ZFYVE28: variants seen among roughly 807,000 people sequenced by gnomAD.
ZFYVE28 encodes the protein zinc finger FYVE-type containing 28.
In ZFYVE28, 40 loss-of-function variants were observed where a neutral mutation model predicts 82.1. The ratio of observed to expected loss-of-function variants is 0.49; its 90% CI spans 0.38 to 0.63. The LOEUF is 0.63. Ranked by LOEUF, ZFYVE28 falls within the 30% of genes least tolerant of loss-of-function variation. The pLI is 0.00. For synonymous variants in ZFYVE28, 612 were observed against 546.1 expected, an observed-to-expected ratio of 1.12 and a Z score of -1.68; for missense variants, 1,321 against 1,242.1, an observed-to-expected ratio of 1.06 and a Z score of -0.96.
intron 2 of ZFYVE28, among the ~76,000 whole-genome samples, chr4:2,343,844 T>C (rs1217709447): frequency 1.3e-5 from 2 of 152,200 alleles, no homozygotes; most frequent in African/African-American, 2.4e-5. Context: ...TGCTAGAACA[T>C]AGCTGCCTGA....
rs1560173052 is a variant in ZFYVE28, at chr4:2,304,835, T to C, written c.1505A>G (p.Glu502Gly). 9.9e-6 allele frequency: 16 copies of C among 1,612,440 alleles called. No individual in the cohort carries two copies. Among genetic ancestry groups the C allele is most frequent in the Non-Finnish European group, 1.3e-5 (15 of 1,179,910 alleles). Reference sequence around the variant, plus strand: ...GCCCCCTGTCCGGTGGGCGATCATCTCAGCCGTCTCTGCGTCATCCGCACC... The same window carrying C: ...GCCCCCTGTCCGGTGGGCGATCATCCCAGCCGTCTCTGCGTCATCCGCACC... Reference protein sequence around the residue: ...EVGADDAETAEMIAHRTGGMK... With the variant: ...EVGADDAETAGMIAHRTGGMK... The change falls in exon 8 of 13, where the codon GAG (glutamate) becomes GGG (glycine). Residue 502 changes from glutamate to glycine, a missense_variant. Transcript: ENST00000290974.
In ZFYVE28 at chr4:2,304,743, T is replaced by G; in HGVS notation, c.1597A>C (p.Thr533Pro). The change falls in exon 8 of 13, where the codon ACC becomes CCC. Residue 533 changes from threonine (T) to proline (P), a missense_variant. By Grantham distance (38) the Thr-to-Pro change is conservative. Transcript: ENST00000290974. ...ACGGGCTCCGAGGCGGCCTCCTGGG[T>G]GGCGACCGCAGAGTCCAGGGAAGTG... ...SPTSLDSAVA[T>P]QEAASEPVAE... 6.2e-7 allele frequency: 1 copy of G among 1,612,660 alleles called. No individual in the cohort carries two copies.
At position 2,341,344 on chromosome 4, in the gene ZFYVE28, A is replaced by G. The variant is rs973770822; in HGVS notation, c.318+134T>C. ...TACCAGGCTCAGACCACACCACGTAACCCAGAGTGGACGGAGCTCTTGGAG... is the reference window on the plus strand; with the variant it reads ...TACCAGGCTCAGACCACACCACGTAGCCCAGAGTGGACGGAGCTCTTGGAG... On this transcript the variant is annotated intron_variant, in intron 3 of 12. Coordinates refer to ENST00000290974, the MANE Select transcript of ZFYVE28 (RefSeq NM_020972.3). The surrounding 1 kb of genome is among the most constrained non-coding windows in gnomAD (Gnocchi z 4.5). 4.7e-6 allele frequency: 6 copies of G among 1,278,730 alleles called. No homozygotes were observed. The highest frequency in any genetic ancestry group is 6.5e-6 in the Non-Finnish European group (6 of 918,372). 79.2% of individuals were successfully genotyped at this position (1,278,730 alleles called of 1,614,324 possible).
intron 7 of ZFYVE28, among the ~76,000 whole-genome samples, chr4:2,311,470 G>A (rs1717460781): frequency 1.3e-5 from 2 of 152,128 alleles, no homozygotes; most frequent in African/African-American, 2.4e-5. Context: ...AGGCTGCAGT[G>A]AGCCGAGATC....
At chr4:2,308,676 AG>A (rs1348583446) in intron 7 of ZFYVE28, among the ~76,000 whole-genome samples, 12 of 85,190 alleles carry the variant, frequency 1.4e-4, no homozygotes, top group African/African-American at 6.9e-4. Flanking sequence ...AAAGAAAGAA[AG>A]AGAAAGAAAG....
intron 1 of ZFYVE28, among the ~76,000 whole-genome samples, chr4:2,406,228 T>C (rs1731898440): frequency 6.6e-6 from 1 of 151,466 alleles, no homozygotes. Flanking sequence ...AAAAATTAGC[T>C]GGGTGTGGTG....
rs756245620 is a variant in ZFYVE28 at position 2,304,524 on chromosome 4, C to T, written c.1816G>A (p.Ala606Thr). 6.2e-7 allele frequency: 1 copy of T among 1,612,604 alleles called. No homozygotes were observed. The highest frequency in any genetic ancestry group is 1.1e-5 in the South Asian group (1 of 91,048). The change falls in exon 8 of 13, where the codon GCC becomes ACC. Residue 606 changes from alanine to threonine, a missense_variant. Ala to Thr is a moderately conservative substitution (Grantham distance 58, BLOSUM62 0). This residue lies in a region of ZFYVE28 where 978 missense variants were observed against 833.7 expected (regional missense o/e 1.17). Transcript: ENST00000290974. ...GGCGCCTCCTCCTGTCTCTCAGGGG[C>T]CCTGTCGCTGGCCTTGGCTAAGCCG... ...AAGLAKASDR[A>T]PERQEEAPPP...
intron 2 of ZFYVE28, among the ~76,000 whole-genome samples, chr4:2,352,076 G>A (rs1724548749): frequency 6.6e-6 from 1 of 152,154 alleles, no homozygotes; most frequent in Non-Finnish European, 1.5e-5. Context: ...ATATATGTGG[G>A]TTTTGTGTCC....
intron 6 of ZFYVE28, chr4:2,330,900 C>A: frequency 6.5e-7 from 1 of 1,532,826 alleles, no homozygotes; most frequent in Non-Finnish European, 8.7e-7. Context: ...GGTGGGAGCT[C>A]CGGCAAGGGT....
chr4:2,416,804 C>T lies in ZFYVE28; in HGVS notation c.39+1481G>A, dbSNP rs572298608. On this transcript the variant is annotated intron_variant, in intron 1 of 12. Transcript: ENST00000290974. The surrounding 1 kb of genome is among the most constrained non-coding windows in gnomAD (Gnocchi z 4.6). Reference sequence around the variant, plus strand: ...GTGACGCCACAGGAACCCTGAATCCCCCCGAGTCCCCTCCCAATCAAGCCA... The same window carrying T: ...GTGACGCCACAGGAACCCTGAATCCTCCCGAGTCCCCTCCCAATCAAGCCA... Among the ~76,000 whole-genome samples, 1 of 126,292 alleles carries T rather than the reference C, an allele frequency of 7.9e-6. No homozygotes were observed. The highest frequency in any genetic ancestry group is 3.7e-5 in the African/African-American group (1 of 27,320). The allele number at this position is 126,292 out of a possible 152,430, so 82.9% of individuals were successfully genotyped here.
At chr4:2,382,936 AC>A (rs71644329) in intron 1 of ZFYVE28, among the ~76,000 whole-genome samples, 49,298 of 151,826 alleles carry the variant, frequency 0.32, 8,695 homozygotes, top group East Asian at 0.47. Flanking sequence ...CCCCTGATAA[AC>A]CCATGAGATC....
chr4:2,279,023 A>T (rs1399923838), intron 8 of ZFYVE28, among the ~76,000 whole-genome samples: 1 of 151,666 alleles, frequency 6.6e-6, no homozygotes, highest in African/African-American at 2.4e-5. Context: ...TCTCTTCCTT[A>T]TGGAAAAATA....
intron 8 of ZFYVE28, among the ~76,000 whole-genome samples, chr4:2,297,614 T>C (rs1714797400): frequency 6.6e-6 from 1 of 152,204 alleles, no homozygotes; most frequent in Non-Finnish European, 1.5e-5. Flanking sequence ...AAGCCAAGAC[T>C]GATCATGGCA....
chr4:2,298,652 G>A (rs1715020801), intron 8 of ZFYVE28, among the ~76,000 whole-genome samples: 2 of 152,198 alleles, frequency 1.3e-5, no homozygotes, highest in African/African-American at 4.8e-5. Flanking sequence ...TGAGCACGGT[G>A]GACAAGTGGC....
chr4:2,368,697 C>T (rs1439344083), intron 1 of ZFYVE28, among the ~76,000 whole-genome samples: 4 of 152,168 alleles, frequency 2.6e-5, no homozygotes, highest in Non-Finnish European at 5.9e-5. Context: ...ATGGACAGAC[C>T]ACATTTTGTT....
chr4:2,303,788 C>G (rs545074523), intron 8 of ZFYVE28, among the ~76,000 whole-genome samples: 1 of 152,190 alleles, frequency 6.6e-6, no homozygotes, highest in African/African-American at 2.4e-5. Flanking sequence ...CCCCAGTCTC[C>G]GCGCCCACGG....
chr4:2,334,526 C>T (rs1044219631), intron 6 of ZFYVE28, among the ~76,000 whole-genome samples: 5 of 152,078 alleles, frequency 3.3e-5, no homozygotes, highest in East Asian at 1.9e-4. Context: ...TGCACTGCCA[C>T]GTGTGCCTGT....
intron 7 of ZFYVE28, among the ~76,000 whole-genome samples, chr4:2,318,289 G>A (rs1179440122): frequency 6.6e-6 from 1 of 152,204 alleles, no homozygotes. Context: ...TGGTCGCAGT[G>A]GCTCACGCCT....
At chr4:2,302,156 T>A (rs1715657151) in intron 8 of ZFYVE28, among the ~76,000 whole-genome samples, 1 of 152,210 alleles carries the variant, frequency 6.6e-6, no homozygotes, top group Non-Finnish European at 1.5e-5. Flanking sequence ...TACGCGGGTG[T>A]GTATCTGAAC....
Sources: gnomAD v4.1 joint callset for allele counts (sites outside exome capture counted in the v4.1 genomes callset) on GRCh38, gnomAD v4.1.1 for gene constraint, gnomAD v4.1.1 regional missense constraint, Gnocchi (gnomAD v3.1) non-coding constraint, MANE v1.5 for transcripts, NCBI Gene and HGNC (gene_info 2026-07-23, HGNC 2026-07-21) for gene names.